Variants in MAP3K14 observed in about 807,000 individuals in gnomAD.
MAP3K14 encodes the protein mitogen-activated protein kinase kinase kinase 14.
In MAP3K14, 16 loss-of-function variants were observed where a neutral mutation model predicts 99.2. The observed-to-expected ratio is 0.16, with a 90% CI of 0.11 to 0.24. The LOEUF (loss-of-function observed/expected upper bound fraction) is 0.24. MAP3K14 is among the 10% of genes least tolerant of loss of function. MAP3K14 has a pLI of 1.00. For synonymous variants in MAP3K14, 462 were observed against 492.4 expected (o/e 0.94, Z 0.82); for missense variants, 784 against 1,208.7 (o/e 0.65, Z 5.21).
In MAP3K14 at chr17:45,295,156, T is replaced by C. The variant is rs189461636; in HGVS notation, c.-20-4391A>G. On this transcript the variant is annotated intron_variant, in intron 1 of 15. Transcript: ENST00000344686. ...TATCATATTTCATTCAGTTCCCTGTTTTAGCAAGTACAACATAGTAAAAAT... is the reference window on the plus strand; with the variant it reads ...TATCATATTTCATTCAGTTCCCTGTCTTAGCAAGTACAACATAGTAAAAAT... Among the ~76,000 whole-genome samples the C allele has an allele frequency of 4.0e-3, 614 of 152,338 alleles. 22 individuals carry two copies. Among genetic ancestry groups the C allele is most frequent in the Admixed American group, 0.037 (562 of 15,292 alleles).
At chr17:45,269,034 T>C (rs1220566361) in intron 11 of MAP3K14, among the ~76,000 whole-genome samples, 3 of 152,294 alleles carry the variant, frequency 2.0e-5, no homozygotes, top group African/African-American at 4.8e-5. Context: ...TATTTATTTA[T>C]TTTTTGAGTC....
chr17:45,294,005 G>A (rs2044330704), intron 1 of MAP3K14, among the ~76,000 whole-genome samples: 1 of 152,224 alleles, frequency 6.6e-6, no homozygotes, highest in Non-Finnish European at 1.5e-5. Context: ...CCCAGCTCAT[G>A]GCCCTAACAC....
chr17:45,277,423 C>CT (rs2044189321), intron 6 of MAP3K14, among the ~76,000 whole-genome samples: 1 of 152,184 alleles, frequency 6.6e-6, no homozygotes, highest in Non-Finnish European at 1.5e-5. Context: ...TCTTCACAGA[C>CT]TTGCTGACTT....
intron 6 of MAP3K14, among the ~76,000 whole-genome samples, chr17:45,280,996 C>G (rs2044218166): frequency 6.6e-6 from 1 of 152,080 alleles, no homozygotes. Flanking sequence ...TCTACATGGC[C>G]GTTAAAAAGC....
chr17:45,313,348 C>T (rs1298246853), intron 1 of MAP3K14, among the ~76,000 whole-genome samples: 5 of 152,166 alleles, frequency 3.3e-5, no homozygotes, highest in African/African-American at 1.2e-4. Context: ...ACAACAACAA[C>T]AGTTACAGCC....
At chr17:45,276,701 C>G (rs888140480) in intron 6 of MAP3K14, among the ~76,000 whole-genome samples, 94 of 151,660 alleles carry the variant, frequency 6.2e-4, no homozygotes, top group African/African-American at 1.9e-3. Context: ...TTAGTAGAGG[C>G]AGGGTTTCAC....
intron 1 of MAP3K14, among the ~76,000 whole-genome samples, chr17:45,309,737 C>T (rs1037456567): frequency 2.0e-5 from 3 of 152,146 alleles, no homozygotes; most frequent in Admixed American, 6.5e-5. Flanking sequence ...GCTGTGGAGC[C>T]TCTCCTGCCA....
Position 45,270,473 on chromosome 17 carries a change from G to A in MAP3K14, c.1912C>T (p.Pro638Ser). Residue 638 changes from proline (P) to serine (S), a missense_variant, in exon 11 of 16, where the codon CCC (proline) becomes TCC (serine). This residue lies in a region of MAP3K14 where 200 missense variants were observed against 367.9 expected (regional missense o/e 0.54). Transcript: ENST00000344686. ...TCCGCTGCAGACACGCGGTGGATGG[G>A]CTCTTTCCTCAGCCCCTCTTGGATG... is the stretch of plus-strand genomic sequence containing the variant. ...QAIQEGLRKE[P>S]IHRVSAAELG... 1 of 1,611,574 alleles carries A rather than the reference G, an allele frequency of 6.2e-7. No homozygotes were observed. The highest frequency in any genetic ancestry group is 8.5e-7 in the Non-Finnish European group (1 of 1,179,198).
At position 45,277,729 on chromosome 17, in the gene MAP3K14, C is replaced by T. The variant is rs147610568; in HGVS notation, c.1291-3136G>A. On this transcript the variant is annotated intron_variant, in intron 6 of 15. Coordinates refer to ENST00000344686, the MANE Select transcript of MAP3K14 (RefSeq NM_003954.5). ...TCTGACATTTGAGGGAAACGGCCAC[C>T]GCAGTATCTGCAGGACACCGCGTGA... Among the ~76,000 whole-genome samples, 1,048 of 152,288 alleles carry T rather than the reference C, an allele frequency of 6.9e-3. 3 individuals are homozygous for T. The highest frequency in any genetic ancestry group is 0.01 in the African/African-American group (420 of 41,562).
intron 1 of MAP3K14, among the ~76,000 whole-genome samples, chr17:45,305,439 A>G (rs2044423953): frequency 7.8e-6 from 1 of 128,466 alleles, no homozygotes; most frequent in Admixed American, 8.5e-5. Flanking sequence ...GCTGTCACCC[A>G]GGCTGGAGTG....
intron 1 of MAP3K14, among the ~76,000 whole-genome samples, chr17:45,306,842 T>A (rs1459861366): frequency 6.6e-6 from 1 of 152,162 alleles, no homozygotes; most frequent in Non-Finnish European, 1.5e-5. Flanking sequence ...GCATCATGGA[T>A]CCACAAAGAC....
At chr17:45,280,874 G>A (rs2044217155) in intron 6 of MAP3K14, among the ~76,000 whole-genome samples, 1 of 152,192 alleles carries the variant, frequency 6.6e-6, no homozygotes, top group Non-Finnish European at 1.5e-5. Context: ...GCCTTCCAAA[G>A]TGCTGGGATT....
At chr17:45,301,413 A>C (rs1027561246) in intron 1 of MAP3K14, among the ~76,000 whole-genome samples, 1 of 152,302 alleles carries the variant, frequency 6.6e-6, no homozygotes, top group South Asian at 2.1e-4. Flanking sequence ...CAGTGAGCTA[A>C]GATCATGCCA....
chr17:45,266,651 C>T lies in MAP3K14; in HGVS notation c.2464G>A (p.Asp822Asn), dbSNP rs767096998. ...NPSKASQSSR[D>N]TLSSGVHSWS... ...GAGTGTACGCCTGAGCTCAGGGTGT[C>T]CCGCGAGCTTTGAGAGGCCTTTGAT... Residue 822 changes from aspartate (D) to asparagine (N), a missense_variant, in exon 14 of 16, where the codon GAC becomes AAC. By Grantham distance (23) the Asp-to-Asn change is conservative. Transcript: ENST00000344686. 5.0e-6 allele frequency: 8 copies of T among 1,612,638 alleles called. No homozygotes were observed. The South Asian group carries it at 8.8e-5, about 18-fold the overall frequency.
chr17:45,314,310 A>T (rs561159477), intron 1 of MAP3K14, among the ~76,000 whole-genome samples: 12 of 152,278 alleles, frequency 7.9e-5, no homozygotes, highest in African/African-American at 2.9e-4. Context: ...ACCTTCACAC[A>T]TGCATCACTT....
intron 9 of MAP3K14, 149 bp downstream of exon 9, chr17:45,273,353 GA>G: frequency 1.6e-6 from 1 of 633,178 alleles, no homozygotes; most frequent in Admixed American, 2.6e-5. Context: ...GCGTAACAAA[GA>G]AACCCCTGAT....
chr17:45,273,837 C>T (rs1425376214), intron 8 of MAP3K14: 6 of 650,222 alleles, frequency 9.2e-6, no homozygotes, highest in South Asian at 3.4e-5. Flanking sequence ...AGGGTTTACT[C>T]GGGAACGCTG....
chr17:45,289,178 G>T (rs2044291744), intron 3 of MAP3K14, 58 bp downstream of exon 3: 1 of 1,517,856 alleles, frequency 6.6e-7, no homozygotes, highest in Non-Finnish European at 9.1e-7. Context: ...AAGTGCTGGG[G>T]ACGAGGGCGC....
chr17:45,315,626 G>A (rs2044524459), intron 1 of MAP3K14, among the ~76,000 whole-genome samples: 1 of 152,122 alleles, frequency 6.6e-6, no homozygotes, highest in African/African-American at 2.4e-5. Context: ...CACATTAAGA[G>A]CATAAAAACC....
Sources: allele counts gnomAD v4.1 joint callset (sites outside exome capture counted in the v4.1 genomes callset), GRCh38; gene constraint gnomAD v4.1.1; regional missense constraint gnomAD v4.1.1; transcripts MANE v1.5; gene names NCBI Gene and HGNC (gene_info 2026-07-23, HGNC 2026-07-21).